Variants in SKAP2 observed in about 807,000 individuals in gnomAD.
SKAP2 encodes the protein src kinase-associated phosphoprotein 2.
SKAP2 carries 28 observed loss-of-function variants against 54.9 expected under a neutral mutation model. The ratio of observed to expected loss-of-function variants is 0.51; its 90% CI spans 0.38 to 0.70. The LOEUF (loss-of-function observed/expected upper bound fraction) is 0.70. Ranked by LOEUF, SKAP2 falls within the 30% of genes least tolerant of loss-of-function variation. The pLI is 0.00. For missense variants in SKAP2, 356 were observed against 424.1 expected (o/e 0.84, Z 1.41); for synonymous variants, 137 against 134.3 (o/e 1.02, Z -0.14).
intron 11 of SKAP2, among the ~76,000 whole-genome samples, chr7:26,683,669 A>C (rs1243487431): frequency 1.3e-5 from 2 of 152,176 alleles, no homozygotes; most frequent in African/African-American, 4.8e-5. Context: ...AAGTTCCTTT[A>C]TCTATAAAAC....
At chr7:26,759,149 T>C (rs575603463) in intron 4 of SKAP2, among the ~76,000 whole-genome samples, 99 of 152,344 alleles carry the variant, frequency 6.5e-4, no homozygotes, top group African/African-American at 2.4e-3. Flanking sequence ...ATGAATTTTA[T>C]GGCTATACTA....
At chr7:26,776,053 A>G in intron 4 of SKAP2, among the ~76,000 whole-genome samples, 1 of 152,050 alleles carries the variant, frequency 6.6e-6, no homozygotes, top group Non-Finnish European at 1.5e-5. Flanking sequence ...TTCAATGGAC[A>G]ATTTTTAGTA....
In SKAP2 at chr7:26,784,431, C is replaced by T. The variant is rs1783494974; in HGVS notation, c.308-44467G>A. ...TAAAGGCCACAAGCTACAAATTAGG[C>T]TTTCTTCTTCTGTGAAAGCCAGCGA... On this transcript the variant is annotated intron_variant, in intron 4 of 12. Transcript: ENST00000345317. Among the ~76,000 whole-genome samples the T allele has an allele frequency of 1.3e-5, 2 of 152,170 alleles. 1 individual carries two copies.
At chr7:26,861,173 A>C (rs1486067280) in intron 1 of SKAP2, among the ~76,000 whole-genome samples, 1 of 152,064 alleles carries the variant, frequency 6.6e-6, no homozygotes, top group Non-Finnish European at 1.5e-5. Context: ...GTGATTAAAC[A>C]AATGAAGGAG....
chr7:26,701,544 C>T (rs907681497), intron 9 of SKAP2, among the ~76,000 whole-genome samples: 7 of 151,972 alleles, frequency 4.6e-5, no homozygotes, highest in Non-Finnish European at 1.0e-4. Flanking sequence ...ACCAGCCTGA[C>T]CAATATGGTG....
intron 9 of SKAP2, among the ~76,000 whole-genome samples, chr7:26,697,490 T>C (rs769788028): frequency 5.9e-5 from 9 of 152,314 alleles, no homozygotes; most frequent in Non-Finnish European, 1.2e-4. Context: ...ATGATAAAAA[T>C]TCTCCTTTAC....
intron 9 of SKAP2, among the ~76,000 whole-genome samples, chr7:26,717,317 C>T (rs1322639101): frequency 2.0e-5 from 3 of 151,752 alleles, no homozygotes; most frequent in Non-Finnish European, 2.9e-5. Context: ...TGGAGACCAT[C>T]TTGACGACAT....
At chr7:26,732,134 T>C (rs964167986) in intron 6 of SKAP2, among the ~76,000 whole-genome samples, 58 of 152,166 alleles carry the variant, frequency 3.8e-4, no homozygotes, top group African/African-American at 1.4e-3. Flanking sequence ...TGGAGAGAGA[T>C]GGATTTTCCC....
At chr7:26,797,902 T>C (rs1166958460) in intron 4 of SKAP2, among the ~76,000 whole-genome samples, 7 of 151,242 alleles carry the variant, frequency 4.6e-5, no homozygotes. Flanking sequence ...AGAATGCAAT[T>C]GGCATACTGA....
intron 4 of SKAP2, among the ~76,000 whole-genome samples, chr7:26,785,565 C>T (rs954348066): frequency 3.3e-5 from 5 of 152,070 alleles, no homozygotes; most frequent in Non-Finnish European, 7.4e-5. Context: ...AAATGGAGGC[C>T]CACAGAGCAT....
At chr7:26,659,908 G>A in the SKAP2 span, among the ~76,000 whole-genome samples, 1 of 152,080 alleles carries the variant, frequency 6.6e-6, no homozygotes, top group Non-Finnish European at 1.5e-5. Flanking sequence ...TACCTAATGT[G>A]TAAATGGTAA....
chr7:26,791,080 T>G (rs1236453310), intron 4 of SKAP2, among the ~76,000 whole-genome samples: 1 of 152,098 alleles, frequency 6.6e-6, no homozygotes, highest in Non-Finnish European at 1.5e-5. Context: ...AGTTGCCAAG[T>G]AAATTCAATA....
intron 4 of SKAP2, among the ~76,000 whole-genome samples, chr7:26,754,710 T>C (rs971253966): frequency 6.6e-6 from 1 of 152,232 alleles, no homozygotes; most frequent in Non-Finnish European, 1.5e-5. Flanking sequence ...ACAACTGATG[T>C]AACTTCATGT....
intron 4 of SKAP2, among the ~76,000 whole-genome samples, chr7:26,741,734 T>C (rs1313519832): frequency 6.6e-6 from 1 of 151,908 alleles, no homozygotes; most frequent in Non-Finnish European, 1.5e-5. Flanking sequence ...AATTTGCCTA[T>C]TGTGTACCCA....
At chr7:26,790,604 C>T (rs772953710) in intron 4 of SKAP2, among the ~76,000 whole-genome samples, 1 of 152,174 alleles carries the variant, frequency 6.6e-6, no homozygotes, top group East Asian at 1.9e-4. Flanking sequence ...TAAGAACATT[C>T]ATATGTTGGT....
intron 9 of SKAP2, among the ~76,000 whole-genome samples, chr7:26,698,034 A>T (rs1786933536): frequency 6.6e-6 from 1 of 152,164 alleles, no homozygotes; most frequent in Non-Finnish European, 1.5e-5. Context: ...AAATAGGCTG[A>T]TGTTATGATT....
At chr7:26,778,762 T>C (rs141587638) in intron 4 of SKAP2, among the ~76,000 whole-genome samples, 70 of 152,064 alleles carry the variant, frequency 4.6e-4, no homozygotes, top group Non-Finnish European at 8.5e-4. Context: ...AATGTAAACA[T>C]GTAATACAAA....
At chr7:26,777,040 T>C (rs1783326601) in intron 4 of SKAP2, among the ~76,000 whole-genome samples, 1 of 152,150 alleles carries the variant, frequency 6.6e-6, no homozygotes, top group African/African-American at 2.4e-5. Flanking sequence ...AACCAAAATG[T>C]AGCTGGGACT....
chr7:26,859,968 T>C (rs1242037193), intron 1 of SKAP2, among the ~76,000 whole-genome samples: 1 of 152,214 alleles, frequency 6.6e-6, no homozygotes, highest in Non-Finnish European at 1.5e-5. Context: ...AATCTGAAAT[T>C]TATGAGACAA....
Sources: gnomAD v4.1 joint callset for allele counts (sites outside exome capture counted in the v4.1 genomes callset) on GRCh38, gnomAD v4.1.1 for gene constraint, MANE v1.5 for transcripts, NCBI Gene and HGNC (gene_info 2026-07-23, HGNC 2026-07-21) for gene names.